The following UNC13C variants were observed in gnomAD, a reference collection of about 807,000 sequenced individuals.
The protein encoded by UNC13C is protein unc-13 homolog C.
Under a neutral mutation model 245.4 loss-of-function variants are expected in UNC13C, and 174 were observed. The ratio of observed to expected loss-of-function variants is 0.71; its 90% confidence interval spans 0.63 to 0.80. UNC13C has a LOEUF of 0.80. Ranked by LOEUF, UNC13C falls within the 30% of genes least tolerant of loss-of-function variation. The pLI is 0.00. For synonymous variants in UNC13C, 992 were observed against 895.1 expected, an observed-to-expected ratio of 1.11 and a Z score of -1.93; for missense variants, 2,829 against 2,602.9, an observed-to-expected ratio of 1.09 and a Z score of -1.89.
chr15:54,158,488 T>G (rs1223484525), intron 4 of UNC13C, among the ~76,000 whole-genome samples: 4 of 151,926 alleles, frequency 2.6e-5, no homozygotes, highest in Admixed American at 6.5e-5. Context: ...CCCAGCTAAT[T>G]TTTTGTATTT....
At chr15:54,102,301 G>A (rs572567814) in intron 2 of UNC13C, among the ~76,000 whole-genome samples, 2 of 152,198 alleles carry the variant, frequency 1.3e-5, no homozygotes, top group Non-Finnish European at 2.9e-5. Context: ...GCCTGAGAAT[G>A]TACTGGCATA....
At chr15:54,143,584 CTGTT>C in intron 3 of UNC13C, 32 bp from the exon 4 acceptor site, 1 of 1,583,190 alleles carries the variant, frequency 6.3e-7, no homozygotes, top group Non-Finnish European at 8.7e-7. Flanking sequence ...TGCTAAAAGC[CTGTT>C]TGTTTTGTTT....
chr15:54,038,118 A>ATTTTT lies in UNC13C; in HGVS notation c.2983+22233_2983+22234insTTTTT, dbSNP rs1297641805. ...CATATACATATATATATATATATAT[A>ATTTTT]TATATATTTTTTTTTTTTTTTTCCT... On this transcript the variant is annotated intron_variant, in intron 2 of 32. Transcript: ENST00000260323. Among the ~76,000 whole-genome samples the ATTTTT allele has an allele frequency of 8.9e-3, 255 of 28,760 alleles. 1 individual carries two copies. The highest frequency in any genetic ancestry group is 0.013 in the East Asian group (9 of 712). 18.9% of individuals were successfully genotyped at this position (28,760 alleles called of 152,430 possible). A position where few individuals can be genotyped will look rare whatever the true frequency, so the allele number is the denominator to read the frequency against.
rs1555420961 is a variant in UNC13C, at chr15:54,132,076, T to TTTTC, written c.2984-10939_2984-10938insCTTT. 2.8e-5 allele frequency among the ~76,000 whole-genome samples: 4 copies of TTTTC among 141,662 alleles called. No homozygotes were observed. The East Asian group carries it at 6.2e-4, about 22-fold the overall frequency. 92.9% of individuals were successfully genotyped at this position (141,662 alleles called of 152,430 possible). On this transcript the variant is annotated intron_variant, in intron 2 of 32. Coordinates refer to ENST00000260323, the MANE Select transcript of UNC13C (RefSeq NM_001080534.3). ...TGCAATTCAGTTTTTTTCTTTTTCT[T>TTTTC]TTTTTTTTTTGACAGCGTCTTGCTC...
intron 13 of UNC13C, among the ~76,000 whole-genome samples, chr15:54,315,300 A>G (rs752096961): frequency 2.6e-5 from 4 of 151,598 alleles, no homozygotes; most frequent in Admixed American, 1.3e-4. Context: ...CTGTCACTCT[A>G]TTAACATTGA....
intron 26 of UNC13C, among the ~76,000 whole-genome samples, chr15:54,542,563 T>C (rs58836650): frequency 0.037 from 5,658 of 152,258 alleles, 318 homozygotes; most frequent in African/African-American, 0.13. Flanking sequence ...TTGTTAATTT[T>C]CTGTCTCATT....
intron 4 of UNC13C, among the ~76,000 whole-genome samples, chr15:54,210,533 G>A (rs956501867): frequency 2.6e-5 from 4 of 151,952 alleles, no homozygotes; most frequent in African/African-American, 9.7e-5. Flanking sequence ...TTGGTTATAT[G>A]AAATTCAATT....
At chr15:53,995,457 C>T (rs1366149032) in intron 1 of UNC13C, among the ~76,000 whole-genome samples, 4 of 151,014 alleles carry the variant, frequency 2.6e-5, no homozygotes, top group Non-Finnish European at 5.9e-5. Context: ...TGTCTACATT[C>T]TTTGCCCGCC....
At chr15:54,606,904 T>A (rs1016471584) in intron 30 of UNC13C, among the ~76,000 whole-genome samples, 12 of 152,138 alleles carry the variant, frequency 7.9e-5, no homozygotes, top group African/African-American at 2.9e-4. Context: ...TTTACCGAAT[T>A]GGAAATATAT....
chr15:53,850,288 A>T, the UNC13C span, among the ~76,000 whole-genome samples: 1 of 152,002 alleles, frequency 6.6e-6, no homozygotes, highest in Non-Finnish European at 1.5e-5. Flanking sequence ...GGTGGCATGC[A>T]CCTATGGTCC....
At chr15:54,106,001 A>G (rs991959924) in intron 2 of UNC13C, among the ~76,000 whole-genome samples, 4 of 152,168 alleles carry the variant, frequency 2.6e-5, no homozygotes, top group African/African-American at 9.7e-5. Flanking sequence ...CACTAGGTAG[A>G]TACTTTCTTC....
intron 2 of UNC13C, among the ~76,000 whole-genome samples, chr15:54,118,645 C>T (rs898827066): frequency 1.3e-5 from 2 of 151,912 alleles, no homozygotes; most frequent in Non-Finnish European, 2.9e-5. Context: ...GTTTTGCTGC[C>T]CTACTTACTC....
At chr15:54,023,960 A>G (rs1026916386) in intron 2 of UNC13C, among the ~76,000 whole-genome samples, 1 of 152,218 alleles carries the variant, frequency 6.6e-6, no homozygotes, top group African/African-American at 2.4e-5. Context: ...GCTCAGAGAC[A>G]TATTTTTATA....
intron 4 of UNC13C, among the ~76,000 whole-genome samples, chr15:54,169,824 A>T (rs915452919): frequency 6.6e-6 from 1 of 152,106 alleles, no homozygotes; most frequent in Non-Finnish European, 1.5e-5. Context: ...TATAGTTTAT[A>T]TTAGTTCCCC....
At chr15:53,952,908 A>AT in the UNC13C span, among the ~76,000 whole-genome samples, 23 of 151,864 alleles carry the variant, frequency 1.5e-4, no homozygotes, top group Non-Finnish European at 2.1e-4. Context: ...AGAGTGTCTA[A>AT]TTTTTTTTTC....
intron 17 of UNC13C, among the ~76,000 whole-genome samples, chr15:54,388,347 C>A (rs1596314628): frequency 6.6e-6 from 1 of 152,286 alleles, no homozygotes; most frequent in East Asian, 1.9e-4. Context: ...ACATTCAACA[C>A]TGGAGAAAAC....
intron 30 of UNC13C, among the ~76,000 whole-genome samples, chr15:54,584,605 G>C (rs1285756060): frequency 6.6e-6 from 1 of 152,258 alleles, no homozygotes; most frequent in Non-Finnish European, 1.5e-5. Context: ...AATGGAAGAA[G>C]TCAGTTTTTC....
chr15:54,283,017 C>T (rs148843754), intron 10 of UNC13C, among the ~76,000 whole-genome samples: 1 of 152,120 alleles, frequency 6.6e-6, no homozygotes, highest in African/African-American at 2.4e-5. Flanking sequence ...GACATGAAAA[C>T]GTAGAAAACC....
rs566934560 is a variant in UNC13C at position 54,301,573 on chromosome 15, A to G, written c.4268+1200A>G. 9.8e-4 allele frequency among the ~76,000 whole-genome samples: 149 copies of G among 152,242 alleles called. 1 individual carries two copies. The highest frequency in any genetic ancestry group is 3.2e-3 in the African/African-American group (134 of 41,532). On this transcript the variant is annotated intron_variant, in intron 13 of 32. Coordinates refer to ENST00000260323, the MANE Select transcript of UNC13C (RefSeq NM_001080534.3). Reference sequence around the variant, plus strand: ...CTGTTCTTGTGTTAGTTTGCTGAGAATGACGGTTTCCAGCTTCAACAATGT... The same window carrying G: ...CTGTTCTTGTGTTAGTTTGCTGAGAGTGACGGTTTCCAGCTTCAACAATGT...
Sources: allele counts gnomAD v4.1 joint callset (sites outside exome capture counted in the v4.1 genomes callset), GRCh38; gene constraint gnomAD v4.1.1; transcripts MANE v1.5; gene names NCBI Gene and HGNC (gene_info 2026-07-23, HGNC 2026-07-21).